The following BDP1 variants were observed in gnomAD, a reference collection of about 807,000 sequenced individuals.
BDP1 encodes the protein BDP1 general transcription factor IIIB subunit, also known as transcription factor TFIIIB component B'' homolog.
A neutral mutation model predicts 266.6 loss-of-function variants in BDP1; 169 were observed. The observed-to-expected ratio is 0.63, with a 90% CI of 0.56 to 0.72. BDP1 has a LOEUF of 0.72. BDP1 is among the 30% of genes least tolerant of loss of function. The pLI is 0.00. For missense variants in BDP1, 3,015 were observed against 3,053.8 expected, an observed-to-expected ratio of 0.99 and a Z score of 0.30; for synonymous variants, 1,090 against 1,022.4, an observed-to-expected ratio of 1.07 and a Z score of -1.26.
Position 71,458,642 on chromosome 5 carries a change from A to T in BDP1, c.276A>T (p.Ser92=), listed in dbSNP as rs1380737894. The change falls in exon 2 of 39, where the codon TCA becomes TCT. Residue 92 remains serine, a synonymous_variant. Transcript: ENST00000358731. Reference sequence around the variant, plus strand: ...CCAGTAGATCTTCCTCTACTGTTTCACAGAGAAGAAAGCGAATATCAAGTA... The same window carrying T: ...CCAGTAGATCTTCCTCTACTGTTTCTCAGAGAAGAAAGCGAATATCAAGTA... The part of the protein sequence containing the change: ...EESSRSSSTV[S]QRRKRISSTS... The T allele has an allele frequency of 6.2e-7, 1 of 1,612,856 alleles. No homozygotes were observed. The highest frequency in any genetic ancestry group is 1.7e-5 in the Admixed American group (1 of 60,020).
At chr5:71,532,070 G>C (rs1012787041) in intron 25 of BDP1, among the ~76,000 whole-genome samples, 1 of 152,146 alleles carries the variant, frequency 6.6e-6, no homozygotes, top group Non-Finnish European at 1.5e-5. Context: ...ATGAGTCTTA[G>C]AAAATTTGCT....
intron 25 of BDP1, among the ~76,000 whole-genome samples, chr5:71,527,820 C>CATTTTTTTTTTTTTTTT (rs1765982347): frequency 7.1e-6 from 1 of 140,046 alleles, no homozygotes. Context: ...TCTTTTAATT[C>CATTTTTTTTTTTTTTTT]TTTTTTTTTT....
chr5:71,457,356 C>G (rs1032320105), intron 1 of BDP1, among the ~76,000 whole-genome samples: 2 of 134,262 alleles, frequency 1.5e-5, no homozygotes, highest in African/African-American at 2.8e-5. Flanking sequence ...GAGTCTTGCT[C>G]TGTCGCCCAG....
At chr5:71,536,850 C>T (rs764513701) in intron 26 of BDP1, among the ~76,000 whole-genome samples, 63 of 151,710 alleles carry the variant, frequency 4.2e-4, no homozygotes, top group Non-Finnish European at 5.4e-4. Context: ...TGAACCAGGT[C>T]GAGCGCGTTG....
intron 13 of BDP1, among the ~76,000 whole-genome samples, chr5:71,498,713 C>T (rs1764043018): frequency 6.7e-6 from 1 of 149,204 alleles, no homozygotes; most frequent in Non-Finnish European, 1.5e-5. Context: ...CGTGAGCCAC[C>T]ACGCCTGCCG....
intron 27 of BDP1, 52 bp downstream of exon 27, chr5:71,539,130 G>C: frequency 8.1e-7 from 1 of 1,229,596 alleles, no homozygotes; most frequent in Non-Finnish European, 1.2e-6. Context: ...CACTAGTACA[G>C]TGATTTAATA....
intron 7 of BDP1, among the ~76,000 whole-genome samples, chr5:71,477,624 C>CT (rs763593620): frequency 0.013 from 1,876 of 143,376 alleles, 43 homozygotes; most frequent in African/African-American, 0.044. Flanking sequence ...CAAATTTTTT[C>CT]TTTTTTTTTT....
At chr5:71,456,198 A>C in intron 1 of BDP1, 109 bp downstream of exon 1, 1 of 1,095,856 alleles carries the variant, frequency 9.1e-7, no homozygotes, top group Non-Finnish European at 1.3e-6. Flanking sequence ...CGTTTGCAGT[A>C]AGCCTTTCAG....
chr5:71,494,359 TGTCGCCC>T (rs1763756847), intron 11 of BDP1: 1 of 152,294 alleles, frequency 6.6e-6, no homozygotes, highest in African/African-American at 2.4e-5. Flanking sequence ...AGTCTTGCTC[TGTCGCCC>T]AGGCTGGAAT....
Position 71,510,318 on chromosome 5 carries a change from A to G in BDP1, c.3226A>G (p.Lys1076Glu). The G allele has an allele frequency of 3.1e-6, 5 of 1,613,844 alleles. No homozygotes were observed. Among genetic ancestry groups the G allele is most frequent in the Non-Finnish European group, 4.2e-6 (5 of 1,179,942 alleles). ...TGGAAGAGACAGTTTCCCAAGGGGGAAGACACCAGAGGTGATTGATGCCAT... is the reference window on the plus strand; with the variant it reads ...TGGAAGAGACAGTTTCCCAAGGGGGGAGACACCAGAGGTGATTGATGCCAT... Reference protein sequence around the residue: ...ATGRDSFPRGKTPEVIDAIEE... With the variant: ...ATGRDSFPRGETPEVIDAIEE... Residue 1076 changes from lysine (K) to glutamate (E), a missense_variant, in exon 17 of 39, where the codon AAG (lysine) becomes GAG (glutamate). By Grantham distance (56) the Lys-to-Glu change is moderately conservative. Transcript: ENST00000358731.
Position 71,510,488 on chromosome 5 carries a change from A to T in BDP1, c.3396A>T (p.Pro1132=), listed in dbSNP as rs1292724515. ...GREISPREKT[P]EVIDATEEID... ...AGATTTCCCCAAGGGAGAAGACACCAGAGGTGATTGATGCCACTGAGGAAA... is the reference window on the plus strand; with the variant it reads ...AGATTTCCCCAAGGGAGAAGACACCTGAGGTGATTGATGCCACTGAGGAAA... Residue 1132 remains proline, a synonymous_variant, in exon 17 of 39, where the codon CCA becomes CCT. Coordinates refer to ENST00000358731, the MANE Select transcript of BDP1 (RefSeq NM_018429.3). The T allele has an allele frequency of 3.1e-6, 5 of 1,613,946 alleles. No individual in the cohort carries two copies. Among genetic ancestry groups the T allele is most frequent in the Non-Finnish European group, 4.2e-6 (5 of 1,179,964 alleles).
chr5:71,564,155 A>G (rs72759452), intron 38 of BDP1, among the ~76,000 whole-genome samples: 2,206 of 152,206 alleles, frequency 0.014, 25 homozygotes, highest in Non-Finnish European at 0.023. Flanking sequence ...ATCAGATGCT[A>G]AATTTCTATA....
chr5:71,546,947 G>A (rs1742364824), intron 32 of BDP1, among the ~76,000 whole-genome samples: 4 of 152,086 alleles, frequency 2.6e-5, no homozygotes, highest in African/African-American at 9.7e-5. Context: ...CCAGGCTCAA[G>A]TGATTCTTGT....
chr5:71,505,364 T>C (rs1764522439), intron 16 of BDP1, among the ~76,000 whole-genome samples: 1 of 152,214 alleles, frequency 6.6e-6, no homozygotes, highest in Admixed American at 6.5e-5. Flanking sequence ...TGTAAAATGC[T>C]ACTTATTTTT....
At chr5:71,521,008 G>C (rs1391140412) in intron 22 of BDP1, among the ~76,000 whole-genome samples, 4 of 151,786 alleles carry the variant, frequency 2.6e-5, no homozygotes, top group African/African-American at 9.7e-5. Flanking sequence ...GACCAACATA[G>C]AGAAACCCCA....
chr5:71,477,650 ACT>A (rs1762675292), intron 7 of BDP1, among the ~76,000 whole-genome samples: 1 of 105,936 alleles, frequency 9.4e-6, no homozygotes, highest in Admixed American at 9.2e-5. Flanking sequence ...ATAGGGTCTC[ACT>A]CTCTGTTGCC....
At chr5:71,540,122 G>C (rs1044185011) in intron 28 of BDP1, among the ~76,000 whole-genome samples, 1 of 152,172 alleles carries the variant, frequency 6.6e-6, no homozygotes, top group African/African-American at 2.4e-5. Flanking sequence ...AGTTTGGACA[G>C]AGCCAAAAGA....
chr5:71,502,994 T>G (rs1381257791), intron 15 of BDP1, among the ~76,000 whole-genome samples: 1 of 147,634 alleles, frequency 6.8e-6, no homozygotes, highest in Non-Finnish European at 1.5e-5. Context: ...GTTCAAGTGA[T>G]TCTCCTGCCT....
At chr5:71,553,347 A>G (rs376324808) in intron 35 of BDP1, 27 bp downstream of exon 35, 17 of 1,522,616 alleles carry the variant, frequency 1.1e-5, no homozygotes, top group Admixed American at 1.7e-5. Context: ...GTACCACTCA[A>G]TATGGCCATT....
Sources: gnomAD v4.1 joint callset for allele counts (sites outside exome capture counted in the v4.1 genomes callset) on GRCh38, gnomAD v4.1.1 for gene constraint, MANE v1.5 for transcripts, NCBI Gene and HGNC (gene_info 2026-07-23, HGNC 2026-07-21) for gene names.